SRBD1: variants seen among roughly 807,000 people sequenced by gnomAD.
SRBD1 encodes S1 RNA binding domain 1.
In SRBD1, 88 loss-of-function variants were observed where a neutral mutation model predicts 115.3. The ratio of observed to expected loss-of-function variants is 0.76; its 90% CI spans 0.64 to 0.91. The LOEUF is 0.91. Ranked by LOEUF, SRBD1 falls within the 40% of genes least tolerant of loss-of-function variation. The pLI is 0.00. For synonymous variants in SRBD1, 509 were observed against 407.7 expected (o/e 1.25, Z -2.99); for missense variants, 1,385 against 1,177.4 (o/e 1.18, Z -2.58).
intron 14 of SRBD1, among the ~76,000 whole-genome samples, chr2:45,503,135 T>C (rs1205631134): frequency 3.3e-5 from 5 of 152,214 alleles, no homozygotes; most frequent in Non-Finnish European, 7.3e-5. Context: ...TAAATGTCTT[T>C]CATAGCATCT....
intron 14 of SRBD1, among the ~76,000 whole-genome samples, chr2:45,504,357 A>AT (rs1209198554): frequency 6.6e-6 from 1 of 152,078 alleles, no homozygotes; most frequent in Non-Finnish European, 1.5e-5. Context: ...CTTTTAGGGC[A>AT]TTTTTTCATC....
chr2:45,481,220 G>A (rs1172167442), intron 15 of SRBD1, among the ~76,000 whole-genome samples: 1 of 152,118 alleles, frequency 6.6e-6, no homozygotes, highest in Non-Finnish European at 1.5e-5. Flanking sequence ...AAACAAAAAT[G>A]TCATGCGACA....
intron 2 of SRBD1, among the ~76,000 whole-genome samples, chr2:45,604,101 C>T (rs1019608305): frequency 1.3e-5 from 2 of 152,102 alleles, no homozygotes; most frequent in Admixed American, 6.5e-5. Context: ...TCATCACTTT[C>T]ACATCTAGAA....
intron 18 of SRBD1, among the ~76,000 whole-genome samples, chr2:45,415,554 T>C (rs1212223443): frequency 6.9e-6 from 1 of 145,016 alleles, no homozygotes; most frequent in Non-Finnish European, 1.5e-5. Context: ...ATGCATATAG[T>C]CTGTATACGT....
At chr2:45,534,941 G>A (rs58470570) in intron 14 of SRBD1, among the ~76,000 whole-genome samples, 29 of 151,844 alleles carry the variant, frequency 1.9e-4, no homozygotes, top group African/African-American at 6.3e-4. Context: ...AAAGAAACCC[G>A]AGAAATCATC....
intron 17 of SRBD1, 55 bp downstream of exon 17, chr2:45,419,733 T>A: frequency 1.3e-6 from 2 of 1,518,142 alleles, no homozygotes; most frequent in South Asian, 2.3e-5. Flanking sequence ...GAGTTTGGAC[T>A]GGACAGCCAG....
rs190238510 is a variant in SRBD1 at position 45,540,229 on chromosome 2, T to C, written c.1874+6503A>G. ...GGTGGCAGGCGCCTGTAATCCCAGC[T>C]ACTCAGGAGGCTGAGGCAGGAGAAT... On this transcript the variant is annotated intron_variant, in intron 14 of 20. Transcript: ENST00000263736. 2.1e-3 allele frequency among the ~76,000 whole-genome samples: 322 copies of C among 151,778 alleles called. 3 individuals carry two copies. Among genetic ancestry groups the C allele is most frequent in the Middle Eastern group, 0.017 (5 of 294 alleles).
intron 4 of SRBD1, among the ~76,000 whole-genome samples, chr2:45,588,863 G>T (rs1673630009): frequency 6.6e-6 from 1 of 152,194 alleles, no homozygotes; most frequent in Non-Finnish European, 1.5e-5. Flanking sequence ...AAAATTTCCT[G>T]TTACATAGGT....
intron 14 of SRBD1, among the ~76,000 whole-genome samples, chr2:45,542,718 T>C (rs1022900855): frequency 6.6e-6 from 1 of 152,204 alleles, no homozygotes; most frequent in Non-Finnish European, 1.5e-5. Context: ...CTAAGAGAAA[T>C]GACAGCATAT....
At chr2:45,605,261 TC>T in intron 2 of SRBD1, 100 bp downstream of exon 2, 1 of 1,199,092 alleles carries the variant, frequency 8.3e-7, no homozygotes, top group Admixed American at 2.3e-5. Context: ...AAAAGTTTTT[TC>T]TACCCACATC....
rs913891616 is a variant in SRBD1, at chr2:45,534,972, T to A, written c.1874+11760A>T. On this transcript the variant is annotated intron_variant, in intron 14 of 20. Coordinates refer to ENST00000263736, the MANE Select transcript of SRBD1 (RefSeq NM_018079.5). ...TCATCCAAAAATCTCTACCAAAAAT[T>A]CCCCCTACCATCACAAAATTAATGT... Among the ~76,000 whole-genome samples the A allele has an allele frequency of 2.6e-5, 4 of 151,704 alleles. 1 individual carries two copies. Among genetic ancestry groups the A allele is most frequent in the African/African-American group, 9.7e-5 (4 of 41,354 alleles).
chr2:45,474,465 G>C (rs1209123739), intron 16 of SRBD1, among the ~76,000 whole-genome samples: 1 of 152,188 alleles, frequency 6.6e-6, no homozygotes, highest in Non-Finnish European at 1.5e-5. Context: ...TGAGCTTCCT[G>C]ACATTCGAAG....
At chr2:45,426,659 G>A (rs1242616304) in intron 16 of SRBD1, among the ~76,000 whole-genome samples, 2 of 152,142 alleles carry the variant, frequency 1.3e-5, no homozygotes, top group African/African-American at 2.4e-5. Flanking sequence ...GAAGGAAAAG[G>A]CAGCAATCTT....
rs945597481 is a variant in SRBD1, at chr2:45,423,218, C to T, written c.2050-3324G>A. On this transcript the variant is annotated intron_variant, in intron 16 of 20. Transcript: ENST00000263736. ...AACAAAATCACTTGGAACACCCCTA[C>T]CACAGGGCTAAAATGAAAACAATGG... Among the ~76,000 whole-genome samples, 10 of 152,216 alleles carry T rather than the reference C, an allele frequency of 6.6e-5. No homozygotes were observed. In the East Asian group the frequency reaches 1.9e-3, roughly 29 times the overall value.
intron 4 of SRBD1, among the ~76,000 whole-genome samples, chr2:45,587,428 A>G (rs879840674): frequency 3.3e-5 from 5 of 152,012 alleles, no homozygotes; most frequent in Non-Finnish European, 7.4e-5. Flanking sequence ...ATAAAATCCA[A>G]TTTTAGTAGC....
At chr2:45,450,091 A>G (rs1287870291) in intron 16 of SRBD1, among the ~76,000 whole-genome samples, 2 of 152,190 alleles carry the variant, frequency 1.3e-5, no homozygotes, top group African/African-American at 4.8e-5. Context: ...TAAGACCACA[A>G]AAAGAAGCAC....
chr2:45,524,044 T>C (rs1671366704), intron 14 of SRBD1, among the ~76,000 whole-genome samples: 1 of 151,802 alleles, frequency 6.6e-6, no homozygotes, highest in Non-Finnish European at 1.5e-5. Flanking sequence ...GTCAACAAAA[T>C]TAAAAACAAA....
At position 45,487,300 on chromosome 2, in the gene SRBD1, GA is replaced by G. The variant is rs138062027; in HGVS notation, c.1966+939del. On this transcript the variant is annotated intron_variant, in intron 15 of 20. Coordinates refer to ENST00000263736, the MANE Select transcript of SRBD1 (RefSeq NM_018079.5). The stretch of plus-strand genomic sequence containing the variant: ...ATTATACAGAAAAATGCACTGACCT[GA>G]TCTAACATATTGCTTATGATACCAA... Among the ~76,000 whole-genome samples the G allele has an allele frequency of 6.0e-3, 909 of 152,260 alleles. 7 individuals are homozygous for G. The highest frequency in any genetic ancestry group is 0.021 in the African/African-American group (882 of 41,546).
intron 16 of SRBD1, among the ~76,000 whole-genome samples, chr2:45,460,978 G>A (rs1420051157): frequency 2.0e-5 from 3 of 152,146 alleles, no homozygotes; most frequent in Admixed American, 6.5e-5. Context: ...CATGATGACC[G>A]AATAACAACC....
Sources: gnomAD v4.1 joint callset for allele counts (sites outside exome capture counted in the v4.1 genomes callset) on GRCh38, gnomAD v4.1.1 for gene constraint, MANE v1.5 for transcripts, NCBI Gene and HGNC (gene_info 2026-07-23, HGNC 2026-07-21) for gene names.